The following DGKB variants were observed in gnomAD, a reference collection of about 807,000 sequenced individuals.
The protein encoded by DGKB is diacylglycerol kinase beta, also known as 90 kDa diacylglycerol kinase.
A neutral mutation model predicts 114.3 loss-of-function variants in DGKB; 67 were observed. The ratio of observed to expected loss-of-function variants is 0.59; its 90% CI spans 0.48 to 0.72. The LOEUF is 0.72. Ranked by LOEUF, DGKB falls within the 30% of genes least tolerant of loss-of-function variation. The pLI is 0.00. For missense variants in DGKB, 907 were observed against 975.2 expected (o/e 0.93, Z 0.93); for synonymous variants, 398 against 323.1 (o/e 1.23, Z -2.49).
intron 1 of DGKB, among the ~76,000 whole-genome samples, chr7:14,893,138 T>C (rs1781551924): frequency 1.3e-5 from 2 of 151,324 alleles, no homozygotes; most frequent in Admixed American, 1.3e-4. Context: ...ATTAACTCTT[T>C]GAATGAGTCA....
intron 7 of DGKB, among the ~76,000 whole-genome samples, chr7:14,701,086 T>G (rs1355528071): frequency 1.4e-5 from 2 of 145,042 alleles, no homozygotes; most frequent in African/African-American, 2.4e-5. Flanking sequence ...TCCCTTCAGT[T>G]AATCATATAA....
chr7:14,543,234 A>G (rs1793754844), intron 20 of DGKB, among the ~76,000 whole-genome samples: 1 of 152,074 alleles, frequency 6.6e-6, no homozygotes, highest in South Asian at 2.1e-4. Flanking sequence ...GCTTGAGGCC[A>G]GGAGTTGGAG....
chr7:14,200,719 A>G (rs1785730985), intron 23 of DGKB, among the ~76,000 whole-genome samples: 1 of 152,034 alleles, frequency 6.6e-6, no homozygotes, highest in Non-Finnish European at 1.5e-5. Context: ...ATAGATGTAA[A>G]AAGCTATTAG....
At chr7:14,567,503 ATATAATTATATATTTATATAT>A (rs1411980236) in intron 20 of DGKB, among the ~76,000 whole-genome samples, 40 of 91,710 alleles carry the variant, frequency 4.4e-4, no homozygotes, top group East Asian at 3.3e-3. Flanking sequence ...ATATATAATT[ATATAATTATATATTTATATAT>A]TATAATTATA....
chr7:14,973,240 C>T (rs972443034), intron 1 of DGKB, among the ~76,000 whole-genome samples: 8 of 151,844 alleles, frequency 5.3e-5, no homozygotes, highest in Non-Finnish European at 5.9e-5. Flanking sequence ...ATGCTTACCT[C>T]TATTTAATTT....
chr7:14,868,061 A>T (rs1238696820), intron 1 of DGKB, among the ~76,000 whole-genome samples: 1 of 152,144 alleles, frequency 6.6e-6, no homozygotes, highest in Non-Finnish European at 1.5e-5. Flanking sequence ...TTTTAATCCT[A>T]ATTAACACCT....
chr7:14,336,035 T>C (rs1223421935), intron 23 of DGKB, among the ~76,000 whole-genome samples: 2 of 152,210 alleles, frequency 1.3e-5, no homozygotes, highest in African/African-American at 4.8e-5. Context: ...TGAGCCACCA[T>C]GCCTGCCCTA....
chr7:14,827,610 A>G (rs1845872999), intron 2 of DGKB, among the ~76,000 whole-genome samples: 1 of 152,114 alleles, frequency 6.6e-6, no homozygotes, highest in Non-Finnish European at 1.5e-5. Flanking sequence ...TTCTTCCAGG[A>G]AATATTGGGT....
At chr7:14,614,526 GT>G (rs1806176195) in intron 15 of DGKB, among the ~76,000 whole-genome samples, 1 of 151,968 alleles carries the variant, frequency 6.6e-6, no homozygotes, top group Non-Finnish European at 1.5e-5. Flanking sequence ...CCCCTAGAAA[GT>G]AGTCTTAAAT....
chr7:14,643,785 A>G lies in DGKB; in HGVS notation c.1135-13517T>C, dbSNP rs1490198952. ...CATGTGCAATGTCAATAACCTGCAA[A>G]CCAGTTTAACTGGGGTCCACTGCCA... On this transcript the variant is annotated intron_variant, in intron 13 of 25. Coordinates refer to ENST00000402815, the MANE Select transcript of DGKB (RefSeq NM_001350709.2). 2.6e-5 allele frequency among the ~76,000 whole-genome samples: 4 copies of G among 152,134 alleles called. No homozygotes were observed. In the East Asian group the frequency reaches 7.7e-4, roughly 29 times the overall value.
At chr7:14,924,718 G>A (rs1431416344) in intron 1 of DGKB, among the ~76,000 whole-genome samples, 3 of 151,652 alleles carry the variant, frequency 2.0e-5, no homozygotes, top group African/African-American at 7.3e-5. Flanking sequence ...GTGTAATTTG[G>A]CACAGCATGA....
intron 1 of DGKB, among the ~76,000 whole-genome samples, chr7:14,948,766 C>T (rs931483078): frequency 3.3e-5 from 5 of 151,412 alleles, no homozygotes; most frequent in African/African-American, 1.2e-4. Context: ...GAAGGAGAAT[C>T]AACAAAAACA....
rs1333848794 is a variant in DGKB at position 14,145,794 on chromosome 7, CGTT to C, written c.*3334_*3336del. The C allele has an allele frequency of 6.6e-6, 1 of 152,090 alleles. No individual in the cohort carries two copies. Among genetic ancestry groups the C allele is most frequent in the African/African-American group, 2.4e-5 (1 of 41,432 alleles). 9.4% of individuals were successfully genotyped at this position (152,090 alleles called of 1,614,324 possible). A position where few individuals can be genotyped will look rare whatever the true frequency, so the allele number is the denominator to read the frequency against. The stretch of plus-strand genomic sequence containing the variant: ...TTATAACCAATGAACAACAAACTAA[CGTT>C]GACACAAAAAGGAAAAGAATGATCT... On this transcript the variant is annotated 3_prime_UTR_variant, in exon 26 of 26. Coordinates refer to ENST00000402815, the MANE Select transcript of DGKB (RefSeq NM_001350709.2).
At chr7:14,336,571 T>A (rs73263938) in intron 23 of DGKB, among the ~76,000 whole-genome samples, 3,113 of 152,218 alleles carry the variant, frequency 0.02, 102 homozygotes, top group African/African-American at 0.07. Context: ...TCCCAGAATT[T>A]ATGGGAAATT....
intron 23 of DGKB, among the ~76,000 whole-genome samples, chr7:14,322,392 T>TAGGA (rs1807989297): frequency 6.6e-6 from 1 of 152,170 alleles, no homozygotes; most frequent in Admixed American, 6.6e-5. Flanking sequence ...GTAGTGGGTG[T>TAGGA]AGGAGTCTTT....
intron 1 of DGKB, among the ~76,000 whole-genome samples, chr7:14,860,320 A>G (rs1257611084): frequency 2.0e-5 from 3 of 152,068 alleles, no homozygotes; most frequent in Non-Finnish European, 4.4e-5. Context: ...ATTCTTTCTA[A>G]TTCATCACCT....
At chr7:14,849,504 C>T (rs1849068082) in intron 1 of DGKB, among the ~76,000 whole-genome samples, 1 of 152,082 alleles carries the variant, frequency 6.6e-6, no homozygotes, top group Non-Finnish European at 1.5e-5. Context: ...AGAAGGCCCT[C>T]ACCAGATGCT....
intron 7 of DGKB, among the ~76,000 whole-genome samples, chr7:14,699,894 G>A (rs1241093730): frequency 2.6e-5 from 4 of 151,134 alleles, no homozygotes; most frequent in Non-Finnish European, 4.4e-5. Context: ...ACAAAAAATG[G>A]GCAGAGACAA....
intron 1 of DGKB, among the ~76,000 whole-genome samples, chr7:14,923,888 G>C (rs1780925026): frequency 6.6e-6 from 1 of 150,540 alleles, no homozygotes; most frequent in Non-Finnish European, 1.5e-5. Flanking sequence ...CCAGCTACTT[G>C]GGAGGCTGAG....
Sources: allele counts gnomAD v4.1 joint callset (sites outside exome capture counted in the v4.1 genomes callset), GRCh38; gene constraint gnomAD v4.1.1; transcripts MANE v1.5; gene names NCBI Gene and HGNC (gene_info 2026-07-23, HGNC 2026-07-21).